SLC9C1: variants seen among roughly 807,000 people sequenced by gnomAD.
SLC9C1 encodes sodium/hydrogen exchanger 10.
SLC9C1 carries 97 observed loss-of-function variants against 140.9 expected under a neutral mutation model. The ratio of observed to expected loss-of-function variants is 0.69; its 90% CI spans 0.58 to 0.82. The LOEUF is 0.82. Ranked by LOEUF, SLC9C1 falls within the 40% of genes least tolerant of loss-of-function variation. SLC9C1 has a pLI of 0.00. For synonymous variants in SLC9C1, 440 were observed against 442.6 expected, an observed-to-expected ratio of 0.99 and a Z score of 0.07; for missense variants, 1,340 against 1,389.3, an observed-to-expected ratio of 0.96 and a Z score of 0.56.
At chr3:112,259,008 A>G (rs915931939) in intron 10 of SLC9C1, among the ~76,000 whole-genome samples, 5 of 152,044 alleles carry the variant, frequency 3.3e-5, no homozygotes, top group African/African-American at 1.2e-4. Flanking sequence ...GGGGAAATCC[A>G]CCCCCATGAT....
At chr3:112,150,242 G>A (rs149474501) in intron 28 of SLC9C1, among the ~76,000 whole-genome samples, 4 of 152,212 alleles carry the variant, frequency 2.6e-5, no homozygotes, top group East Asian at 3.9e-4. Flanking sequence ...TTATGTGACC[G>A]GATTAAAAAT....
In SLC9C1 at chr3:112,245,430, C is replaced by CT. The variant is rs577597812; in HGVS notation, c.1198-1355dup. Among the ~76,000 whole-genome samples the CT allele has an allele frequency of 8.3e-3, 1,195 of 144,302 alleles. 21 individuals carry two copies. The highest frequency in any genetic ancestry group is 0.028 in the African/African-American group (1,093 of 39,600). 94.7% of individuals were successfully genotyped at this position (144,302 alleles called of 152,430 possible). A position where few individuals can be genotyped will look rare whatever the true frequency, so the allele number is the denominator to read the frequency against. On this transcript the variant is annotated intron_variant, in intron 10 of 28. Transcript: ENST00000305815. Reference sequence around the variant, plus strand: ...GGTGTGAGGTAAAAATAGAGTTTTTCTTTTTTTTTTTCTAAGTGAATCCAG... The same window carrying CT: ...GGTGTGAGGTAAAAATAGAGTTTTTCTTTTTTTTTTTTCTAAGTGAATCCAG...
At chr3:112,190,981 T>G (rs2077649509) in intron 20 of SLC9C1, among the ~76,000 whole-genome samples, 1 of 146,418 alleles carries the variant, frequency 6.8e-6, no homozygotes, top group Non-Finnish European at 1.5e-5. Context: ...ATATATGGCT[T>G]TGTAAGTGGT....
intron 22 of SLC9C1, 121 bp downstream of exon 22, chr3:112,180,443 A>C (rs2077417651): frequency 1.6e-6 from 1 of 640,082 alleles, no homozygotes; most frequent in African/African-American, 1.9e-5. Context: ...GTATCACTTG[A>C]ACCCAGGAGG....
intron 20 of SLC9C1, among the ~76,000 whole-genome samples, chr3:112,197,196 G>T (rs1343647639): frequency 6.6e-6 from 1 of 152,028 alleles, no homozygotes; most frequent in East Asian, 1.9e-4. Context: ...CCTGTGAAGT[G>T]GTGGTTTTTG....
chr3:112,202,954 A>G (rs2077944940), intron 17 of SLC9C1, among the ~76,000 whole-genome samples: 1 of 151,846 alleles, frequency 6.6e-6, no homozygotes, highest in Non-Finnish European at 1.5e-5. Context: ...TTGTTTTTCT[A>G]TCTATGTTCC....
intron 1 of SLC9C1, among the ~76,000 whole-genome samples, chr3:112,288,557 G>A (rs1235263320): frequency 6.6e-6 from 1 of 152,184 alleles, no homozygotes. Flanking sequence ...AGGAATTCAA[G>A]ACCAGGCTGG....
intron 14 of SLC9C1, among the ~76,000 whole-genome samples, chr3:112,219,535 AG>A (rs2108117263): frequency 6.6e-6 from 1 of 152,286 alleles, no homozygotes; most frequent in African/African-American, 2.4e-5. Context: ...ACATTTAAAG[AG>A]AAAAAAATCA....
chr3:112,273,682 A>T (rs2080138542), intron 6 of SLC9C1, among the ~76,000 whole-genome samples: 1 of 152,176 alleles, frequency 6.6e-6, no homozygotes, highest in Non-Finnish European at 1.5e-5. Context: ...CCCTGGTTGC[A>T]CAACAATGAA....
At chr3:112,174,959 G>A (rs184484277) in intron 23 of SLC9C1, among the ~76,000 whole-genome samples, 4 of 152,264 alleles carry the variant, frequency 2.6e-5, no homozygotes, top group Non-Finnish European at 5.9e-5. Flanking sequence ...TTTGCTGGGG[G>A]TCTGGACCAG....
chr3:112,240,889 C>T (rs2079120928), intron 11 of SLC9C1, among the ~76,000 whole-genome samples: 2 of 151,532 alleles, frequency 1.3e-5, no homozygotes, highest in East Asian at 1.9e-4. Context: ...ACAAACATCA[C>T]ATATTCTCAC....
Position 112,206,732 on chromosome 3 carries a change from C to T in SLC9C1, c.1986+1446G>A, listed in dbSNP as rs534606512. Among the ~76,000 whole-genome samples the T allele has an allele frequency of 3.3e-5, 5 of 151,868 alleles. No homozygotes were observed. The East Asian group carries it at 9.7e-4, about 29-fold the overall frequency. ...GCTGGAAACCATCATTCTGAGCAAA[C>T]TATCACAAGGACAGAAAACCAAACA... On this transcript the variant is annotated intron_variant, in intron 16 of 28. Coordinates refer to ENST00000305815, the MANE Select transcript of SLC9C1 (RefSeq NM_183061.3).
At chr3:112,200,884 G>A in intron 18 of SLC9C1, 122 bp from the exon 19 acceptor site, 1 of 806,116 alleles carries the variant, frequency 1.2e-6, no homozygotes, top group Non-Finnish European at 1.9e-6. Flanking sequence ...GGATGAAGAG[G>A]TTTTCAGGGG....
In SLC9C1 at chr3:112,171,023, A is replaced by G. The variant is rs369761699; in HGVS notation, c.2920-1695T>C. 2.0e-4 allele frequency among the ~76,000 whole-genome samples: 30 copies of G among 152,192 alleles called. 2 individuals are homozygous for G. Among genetic ancestry groups the G allele is most frequent in the East Asian group, 1.4e-3 (7 of 5,172 alleles). On this transcript the variant is annotated intron_variant, in intron 23 of 28. Coordinates refer to ENST00000305815, the MANE Select transcript of SLC9C1 (RefSeq NM_183061.3). ...GAGGTCAGGAGTTGGAGACCAGCCT[A>G]GCCAACATGGCGAAATGCCGTCTCT...
chr3:112,264,317 G>T lies in SLC9C1; in HGVS notation c.905C>A (p.Ala302Asp). The T allele has an allele frequency of 6.8e-7, 1 of 1,468,224 alleles. No individual in the cohort carries two copies. Among genetic ancestry groups the T allele is most frequent in the African/African-American group, 1.5e-5 (1 of 67,816 alleles). 90.9% of individuals were successfully genotyped at this position (1,468,224 alleles called of 1,614,324 possible). A position where few individuals can be genotyped will look rare whatever the true frequency, so the allele number is the denominator to read the frequency against. ...AAAGAAAGTAAACACCATGAGAAAA[G>T]CAATACGTGATAGAAAAGTCCAGAA... ...LEFWTFLSRI[A>D]FLMVFTFFGL... Residue 302 changes from alanine to aspartate, a missense_variant, in exon 9 of 29, where the codon GCT becomes GAT. By Grantham distance (126) the Ala-to-Asp change is moderately radical (BLOSUM62 -2). Transcript: ENST00000305815.
rs749616537 is a variant in SLC9C1 at position 112,217,469 on chromosome 3, G to T, written c.1763C>A (p.Thr588Asn). ...TGATGGGCCCTCTTTTTCCTTTCTGGTATTATACACCCAATTAAGTAGTAG... is the reference window on the plus strand; with the variant it reads ...TGATGGGCCCTCTTTTTCCTTTCTGTTATTATACACCCAATTAAGTAGTAG... ...RKLLLNWVYN[T>N]RKEKEGPSKY... Residue 588 changes from threonine to asparagine, a missense_variant, in exon 15 of 29, where the codon ACC (threonine) becomes AAC (asparagine). Transcript: ENST00000305815. The T allele has an allele frequency of 1.1e-5, 18 of 1,601,174 alleles. No homozygotes were observed. Among genetic ancestry groups the T allele is most frequent in the Non-Finnish European group, 1.5e-5 (18 of 1,175,916 alleles).
intron 10 of SLC9C1, among the ~76,000 whole-genome samples, chr3:112,253,385 A>G (rs907380033): frequency 6.6e-6 from 1 of 152,184 alleles, no homozygotes; most frequent in African/African-American, 2.4e-5. Flanking sequence ...GGGCATTGAC[A>G]GAGAGCATGG....
chr3:112,273,369 T>C (rs4568110), intron 6 of SLC9C1, among the ~76,000 whole-genome samples: 44,803 of 151,856 alleles, frequency 0.3, 6,793 homozygotes, highest in East Asian at 0.36. Flanking sequence ...TACCTAAAGA[T>C]GATGTACCTT....
At chr3:112,279,910 A>G (rs1402456428) in intron 3 of SLC9C1, among the ~76,000 whole-genome samples, 8 of 152,216 alleles carry the variant, frequency 5.3e-5, no homozygotes, top group African/African-American at 1.9e-4. Context: ...TTAGCTGGCA[A>G]GTAGAGAAAA....
Sources: allele counts gnomAD v4.1 joint callset (sites outside exome capture counted in the v4.1 genomes callset), GRCh38; gene constraint gnomAD v4.1.1; transcripts MANE v1.5; gene names NCBI Gene and HGNC (gene_info 2026-07-23, HGNC 2026-07-21).